Variants in RASGEF1C observed in about 807,000 individuals in gnomAD.
The protein encoded by RASGEF1C is RasGEF domain family member 1C, also known as ras-GEF domain-containing family member 1C.
A neutral mutation model predicts 58.1 loss-of-function variants in RASGEF1C; 27 were observed. That is an observed-to-expected ratio of 0.46 (90% CI 0.34 to 0.64). The LOEUF (loss-of-function observed/expected upper bound fraction) is 0.64. Ranked by LOEUF, RASGEF1C falls within the 30% of genes least tolerant of loss-of-function variation. RASGEF1C has a pLI of 0.01. For missense variants in RASGEF1C, 502 were observed against 605.1 expected (o/e 0.83, Z 1.79); for synonymous variants, 243 against 246.3 (o/e 0.99, Z 0.13).
intron 1 of RASGEF1C, among the ~76,000 whole-genome samples, chr5:180,162,088 C>T (rs1397642211): frequency 2.0e-5 from 3 of 152,230 alleles, no homozygotes; most frequent in African/African-American, 7.2e-5. Context: ...TCATGTCCCC[C>T]ACGGAGCTAG....
intron 11 of RASGEF1C, 81 bp from the exon 12 acceptor site, chr5:180,111,661 G>A: frequency 6.6e-7 from 1 of 1,523,936 alleles, no homozygotes; most frequent in East Asian, 2.3e-5. Flanking sequence ...GGTCCTGGCA[G>A]AGACCCTCTC....
At position 180,120,651 on chromosome 5, in the gene RASGEF1C, GGCTTTTACGT is replaced by G. The variant is rs527939314; in HGVS notation, c.804+399_804+408del. 3.2e-3 allele frequency among the ~76,000 whole-genome samples: 493 copies of G among 152,332 alleles called. 2 individuals are homozygous for G. Among genetic ancestry groups the G allele is most frequent in the Middle Eastern group, 6.8e-3 (2 of 294 alleles). On this transcript the variant is annotated intron_variant, in intron 7 of 13. Transcript: ENST00000361132. ...CTTTCCAGGAGCAGCTAGAACCACG[GGCTTTTACGT>G]GCATCTCCCAGTGCTCAAAGGTCGG...
chr5:180,203,167 T>C (rs988964432), intron 1 of RASGEF1C, among the ~76,000 whole-genome samples: 1 of 152,236 alleles, frequency 6.6e-6, no homozygotes, highest in Non-Finnish European at 1.5e-5. Flanking sequence ...TTGGTGTTCA[T>C]ACATTTGGGA....
rs192452515 is a variant in RASGEF1C at position 180,208,229 on chromosome 5, C to T, written c.-7+799G>A. On this transcript the variant is annotated intron_variant, in intron 1 of 13. Transcript: ENST00000361132. Reference sequence around the variant, plus strand: ...CTGGCAGGCAGAGCTTCCCAGGACTCTTCTCAGGCTCCCGGGGCTCAGAAC... The same window carrying T: ...CTGGCAGGCAGAGCTTCCCAGGACTTTTCTCAGGCTCCCGGGGCTCAGAAC... 2.0e-5 allele frequency among the ~76,000 whole-genome samples: 3 copies of T among 152,262 alleles called. No individual in the cohort carries two copies. In the East Asian group the frequency reaches 5.8e-4, roughly 30 times the overall value.
chr5:180,160,616 T>C (rs1291075452), intron 1 of RASGEF1C, among the ~76,000 whole-genome samples: 2 of 152,164 alleles, frequency 1.3e-5, no homozygotes, highest in Admixed American at 1.3e-4. Flanking sequence ...CGAATCTCAG[T>C]AGGCCACACA....
intron 5 of RASGEF1C, among the ~76,000 whole-genome samples, chr5:180,128,106 A>G (rs1415774242): frequency 6.6e-6 from 1 of 152,208 alleles, no homozygotes; most frequent in Non-Finnish European, 1.5e-5. Context: ...CTCTGTGTAC[A>G]GGGCCTGCCT....
rs750171341 is a variant in RASGEF1C at position 180,128,635 on chromosome 5, C to A, written c.439-25G>T. ...CCTGGTGGGTGGAAAGAAGGGCGCT[C>A]AGGACTGAACACTCATCTCTGCATC... is the stretch of plus-strand genomic sequence containing the variant. On this transcript the variant is annotated intron_variant, in intron 4 of 13. Transcript: ENST00000361132. 7.5e-6 allele frequency: 12 copies of A among 1,605,358 alleles called. No homozygotes were observed. The South Asian group carries it at 1.2e-4, about 16-fold the overall frequency.
rs55986031 is a variant in RASGEF1C, at chr5:180,141,719, C to CT, written c.-6-3662dup. ...TTTATGTTATGTGTATTTTATCACA[C>CT]TTTTTTTTTTTTTTTTTTAAACAGA... On this transcript the variant is annotated intron_variant, in intron 1 of 13. Transcript: ENST00000361132. Among the ~76,000 whole-genome samples the CT allele has an allele frequency of 1.4e-3, 199 of 146,116 alleles. 1 individual carries two copies. Among genetic ancestry groups the CT allele is most frequent in the African/African-American group, 4.8e-3 (190 of 39,526 alleles).
At chr5:180,179,867 G>A (rs1054991120) in intron 1 of RASGEF1C, among the ~76,000 whole-genome samples, 1 of 152,208 alleles carries the variant, frequency 6.6e-6, no homozygotes, top group Admixed American at 6.5e-5. Context: ...TGTGGAACTG[G>A]GGGAGTAAGA....
chr5:180,133,262 G>C (rs1766400617), intron 4 of RASGEF1C, among the ~76,000 whole-genome samples: 1 of 152,234 alleles, frequency 6.6e-6, no homozygotes, highest in South Asian at 2.1e-4. Flanking sequence ...CGGTCATGGA[G>C]AATGGCCTCC....
chr5:180,103,388 A>C (rs528693911), intron 12 of RASGEF1C, among the ~76,000 whole-genome samples: 56 of 152,128 alleles, frequency 3.7e-4, no homozygotes, highest in Non-Finnish European at 6.9e-4. Context: ...ATCAGCATTA[A>C]CTTTTAGCGT....
chr5:180,176,670 T>C (rs568884828), intron 1 of RASGEF1C, among the ~76,000 whole-genome samples: 62 of 152,022 alleles, frequency 4.1e-4, no homozygotes, highest in Middle Eastern at 3.4e-3. Flanking sequence ...CATTCTCCTG[T>C]GTCAGCCTCC....
intron 12 of RASGEF1C, among the ~76,000 whole-genome samples, chr5:180,103,323 C>A (rs767983037): frequency 4.6e-5 from 7 of 152,152 alleles, no homozygotes; most frequent in East Asian, 1.9e-4. Context: ...GTGATCCGCC[C>A]GCCTCGGCCT....
chr5:180,137,117 G>A lies in RASGEF1C; in HGVS notation c.300+473C>T, dbSNP rs4467668. Among the ~76,000 whole-genome samples, 51 of 152,266 alleles carry A rather than the reference G, an allele frequency of 3.3e-4. No homozygotes were observed. The highest frequency in any genetic ancestry group is 1.2e-3 in the African/African-American group (51 of 41,556). On this transcript the variant is annotated intron_variant, in intron 3 of 13. Transcript: ENST00000361132. This position sits in a 1 kb window ranked among gnomAD's most constrained non-coding sequence, Gnocchi z 4.1. ...GCTGTGGTGTGAGGCCCGAGCCAGC[G>A]GTCCCTGAGATAGGGCAGGTACACG...
chr5:180,113,757 G>A (rs1766014685), intron 11 of RASGEF1C, among the ~76,000 whole-genome samples: 1 of 151,788 alleles, frequency 6.6e-6, no homozygotes, highest in African/African-American at 2.4e-5. Flanking sequence ...GATGGACGGA[G>A]GGACCGGGGA....
chr5:180,190,343 A>G (rs925251038), intron 1 of RASGEF1C, among the ~76,000 whole-genome samples: 2 of 151,770 alleles, frequency 1.3e-5, no homozygotes, highest in African/African-American at 4.8e-5. Flanking sequence ...ACAAAAAATT[A>G]GCCGGGCGTG....
intron 1 of RASGEF1C, among the ~76,000 whole-genome samples, chr5:180,193,544 G>A (rs1012907952): frequency 6.6e-6 from 1 of 151,906 alleles, no homozygotes; most frequent in Non-Finnish European, 1.5e-5. Flanking sequence ...CAGGACCGGG[G>A]GACTCAACAG....
intron 6 of RASGEF1C, 127 bp from the exon 7 acceptor site, chr5:180,121,276 C>G (rs1047001940): frequency 1.5e-6 from 1 of 668,436 alleles, no homozygotes; most frequent in African/African-American, 1.8e-5. Context: ...TCCAGAAATA[C>G]CAAAGATTTG....
chr5:180,122,105 G>GTCT (rs911540176), intron 6 of RASGEF1C, among the ~76,000 whole-genome samples: 35 of 152,260 alleles, frequency 2.3e-4, no homozygotes, highest in African/African-American at 8.4e-4. Context: ...ATTAAATAAT[G>GTCT]TCTTTAAACA....
Sources: allele counts gnomAD v4.1 joint callset (sites outside exome capture counted in the v4.1 genomes callset), GRCh38; gene constraint gnomAD v4.1.1; non-coding constraint Gnocchi (gnomAD v3.1); transcripts MANE v1.5; gene names NCBI Gene and HGNC (gene_info 2026-07-23, HGNC 2026-07-21).